The following ACSS3 variants were observed in gnomAD, a reference collection of about 807,000 sequenced individuals.
ACSS3 encodes the protein acyl-CoA synthetase short-chain family member 3, mitochondrial.
A neutral mutation model predicts 84.2 loss-of-function variants in ACSS3; 64 were observed. That is an observed-to-expected ratio of 0.76 (90% CI 0.62 to 0.94). The LOEUF is 0.94. Among genes scored for constraint, ACSS3 ranks in the 40% least tolerant of loss-of-function variants. The pLI, the probability that ACSS3 is intolerant of heterozygous loss-of-function variation, is 0.00. For missense variants in ACSS3, 815 were observed against 867.6 expected, an observed-to-expected ratio of 0.94 and a Z score of 0.76; for synonymous variants, 317 against 310.1, an observed-to-expected ratio of 1.02 and a Z score of -0.23.
At chr12:81,177,958 T>C (rs894108733) in intron 8 of ACSS3, among the ~76,000 whole-genome samples, 2 of 152,216 alleles carry the variant, frequency 1.3e-5, no homozygotes, top group African/African-American at 2.4e-5. Flanking sequence ...GCCATCCCAT[T>C]ACTGGGTATA....
At chr12:81,235,549 G>T (rs1414305541) in intron 13 of ACSS3, among the ~76,000 whole-genome samples, 3 of 151,224 alleles carry the variant, frequency 2.0e-5, no homozygotes, top group East Asian at 1.9e-4. Flanking sequence ...GATTCAGATT[G>T]TGTTAAATCC....
At chr12:81,229,325 A>T (rs1217217274) in intron 11 of ACSS3, among the ~76,000 whole-genome samples, 1 of 151,834 alleles carries the variant, frequency 6.6e-6, no homozygotes, top group Non-Finnish European at 1.5e-5. Flanking sequence ...TGCTTCACTC[A>T]CTAATGTTAT....
At chr12:81,202,279 A>AAAATAAAT (rs200748784) in intron 9 of ACSS3, among the ~76,000 whole-genome samples, 3,898 of 151,530 alleles carry the variant, frequency 0.026, 179 homozygotes, top group African/African-American at 0.09. Flanking sequence ...ACTCTGTCTC[A>AAAATAAAT]AAATAAATAA....
intron 9 of ACSS3, among the ~76,000 whole-genome samples, chr12:81,202,728 A>T (rs368795256): frequency 2.0e-5 from 3 of 152,206 alleles, no homozygotes; most frequent in East Asian, 3.9e-4. Flanking sequence ...ATACATGTGT[A>T]CAAATGAGCT....
At chr12:81,118,549 G>C (rs1046651427) in intron 2 of ACSS3, among the ~76,000 whole-genome samples, 6 of 152,122 alleles carry the variant, frequency 3.9e-5, no homozygotes, top group African/African-American at 1.4e-4. Flanking sequence ...TGTAGGTGGA[G>C]GCATCTTGAT....
At chr12:81,227,116 AG>A (rs1035211290) in intron 11 of ACSS3, among the ~76,000 whole-genome samples, 1 of 151,874 alleles carries the variant, frequency 6.6e-6, no homozygotes, top group Admixed American at 6.6e-5. Context: ...CTGAAGACCC[AG>A]GAAAAGTTGT....
At chr12:81,251,668 C>CAAAA (rs71098134) in intron 13 of ACSS3, among the ~76,000 whole-genome samples, 29 of 87,846 alleles carry the variant, frequency 3.3e-4, no homozygotes, top group South Asian at 1.4e-3. Flanking sequence ...CCCATCTCTA[C>CAAAA]AAAAAAAAAA....
At chr12:81,096,603 T>C (rs1017904504) in intron 1 of ACSS3, among the ~76,000 whole-genome samples, 44 of 152,176 alleles carry the variant, frequency 2.9e-4, no homozygotes, top group African/African-American at 1.1e-3. Context: ...GTATTTCTCC[T>C]AACGCTATCC....
chr12:81,175,974 C>A (rs1257224081), intron 8 of ACSS3, among the ~76,000 whole-genome samples: 1 of 152,034 alleles, frequency 6.6e-6, no homozygotes, highest in African/African-American at 2.4e-5. Flanking sequence ...ATTCCCAAAG[C>A]TAGCAGACAA....
intron 1 of ACSS3, among the ~76,000 whole-genome samples, chr12:81,088,736 G>C (rs190384027): frequency 6.6e-6 from 1 of 151,810 alleles, no homozygotes; most frequent in Admixed American, 6.6e-5. Context: ...ATATTCTATT[G>C]CTTGTTGAAA....
chr12:81,125,860 A>G (rs569361642), intron 2 of ACSS3: 1 of 152,286 alleles, frequency 6.6e-6, no homozygotes, highest in African/African-American at 2.4e-5. Context: ...CTAAAACCCA[A>G]ACTGTGGCCC....
chr12:81,214,759 T>A (rs959441837), intron 9 of ACSS3, among the ~76,000 whole-genome samples: 4 of 152,158 alleles, frequency 2.6e-5, no homozygotes, highest in Non-Finnish European at 5.9e-5. Flanking sequence ...AGTGATAACG[T>A]CTTTCATGAG....
intron 13 of ACSS3, among the ~76,000 whole-genome samples, chr12:81,240,962 A>T (rs550873178): frequency 4.0e-5 from 6 of 149,856 alleles, no homozygotes; most frequent in African/African-American, 1.5e-4. Context: ...TATTAGGTAT[A>T]TCTCCCAATG....
intron 11 of ACSS3, among the ~76,000 whole-genome samples, chr12:81,223,759 T>C (rs1177177064): frequency 6.6e-6 from 1 of 152,018 alleles, no homozygotes; most frequent in Non-Finnish European, 1.5e-5. Context: ...TAGGAAATAC[T>C]GAGAGTGCAA....
intron 2 of ACSS3, chr12:81,124,342 C>T (rs1052984379): frequency 2.6e-5 from 4 of 152,092 alleles, no homozygotes; most frequent in Non-Finnish European, 5.9e-5. Context: ...CTTCTGTGTT[C>T]ACTTTTCTGT....
chr12:81,190,543 CAT>C (rs2031513953), intron 8 of ACSS3, among the ~76,000 whole-genome samples: 1 of 151,908 alleles, frequency 6.6e-6, no homozygotes, highest in Non-Finnish European at 1.5e-5. Context: ...TGTACAGAGT[CAT>C]GTAGTTTGAG....
chr12:81,130,844 A>G (rs778133182), intron 2 of ACSS3, among the ~76,000 whole-genome samples: 1 of 152,196 alleles, frequency 6.6e-6, no homozygotes, highest in African/African-American at 2.4e-5. Flanking sequence ...CTTTCTACAT[A>G]TAGCTAGCCA....
intron 9 of ACSS3, among the ~76,000 whole-genome samples, chr12:81,214,319 C>T (rs969395582): frequency 2.6e-5 from 4 of 152,028 alleles, no homozygotes; most frequent in Admixed American, 6.6e-5. Context: ...AGCCACTACG[C>T]CCAGCCAGCA....
intron 7 of ACSS3, among the ~76,000 whole-genome samples, chr12:81,168,209 G>A (rs1469086033): frequency 6.6e-6 from 1 of 152,162 alleles, no homozygotes; most frequent in Non-Finnish European, 1.5e-5. Context: ...TTGTGGAACA[G>A]AAAATGAAGG....
Sources: gnomAD v4.1 joint callset for allele counts (sites outside exome capture counted in the v4.1 genomes callset) on GRCh38, gnomAD v4.1.1 for gene constraint, MANE v1.5 for transcripts, NCBI Gene and HGNC (gene_info 2026-07-23, HGNC 2026-07-21) for gene names.